Variants in ZNF470 observed in about 807,000 individuals in gnomAD.
ZNF470 encodes the protein chondrogenesis zinc finger protein 1.
Under a neutral mutation model 13.9 loss-of-function variants are expected in ZNF470, and 13 were observed. The observed-to-expected ratio is 0.94, with a 90% CI of 0.61 to 1.49. ZNF470 has a LOEUF of 1.49. Among genes scored for constraint, ZNF470 ranks in the 40% most tolerant of loss-of-function variants. ZNF470 has a pLI of 0.00. For missense variants in ZNF470, 929 were observed against 857.3 expected, an observed-to-expected ratio of 1.08 and a Z score of -1.04; for synonymous variants, 293 against 282.9, an observed-to-expected ratio of 1.04 and a Z score of -0.36.
chr19:56,569,607 G>A (rs1455882400), intron 2 of ZNF470, among the ~76,000 whole-genome samples: 2 of 152,114 alleles, frequency 1.3e-5, no homozygotes, highest in Non-Finnish European at 2.9e-5. Context: ...CAATATACCC[G>A]ATTCTGTTTG....
Position 56,579,789 on chromosome 19 carries a change from A to T in ZNF470, c.*1206A>T, listed in dbSNP as rs551403475. 7.6e-5 allele frequency: 71 copies of T among 933,890 alleles called. No homozygotes were observed. The highest frequency in any genetic ancestry group is 8.9e-5 in the Non-Finnish European group (70 of 783,190). 57.9% of individuals were successfully genotyped at this position (933,890 alleles called of 1,614,324 possible). On this transcript the variant is annotated 3_prime_UTR_variant, in exon 6 of 6. Transcript: ENST00000330619. ...GACATGCCTCTGTATAGAAAATCTG[A>T]TAAAAATATTTCTCCCTAAATTGTA... is the stretch of plus-strand genomic sequence containing the variant.
rs769540527 is a variant in ZNF470, at chr19:56,577,507, A to G, written c.1078A>G (p.Arg360Gly). The G allele has an allele frequency of 8.1e-6, 13 of 1,613,526 alleles. No homozygotes were observed. Among genetic ancestry groups the G allele is most frequent in the Non-Finnish European group, 1.1e-5 (13 of 1,179,590 alleles). ...SDCSSLAHHR[R>G]IHTGKRPYEC... ...TTGCTCATCCCTAGCTCATCATCGAAGGATTCACACTGGGAAAAGACCTTA... is the reference window on the plus strand; with the variant it reads ...TTGCTCATCCCTAGCTCATCATCGAGGGATTCACACTGGGAAAAGACCTTA... The change falls in exon 6 of 6, where the codon AGG becomes GGG. Residue 360 changes from arginine to glycine, a missense_variant. Transcript: ENST00000330619.
Position 56,578,637 on chromosome 19 carries a change from C to G in ZNF470, c.*54C>G. The G allele has an allele frequency of 2.1e-6, 3 of 1,427,476 alleles. No homozygotes were observed. The South Asian group carries it at 5.2e-5, about 25-fold the overall frequency. 88.4% of individuals were successfully genotyped at this position (1,427,476 alleles called of 1,614,324 possible). ...CATCTGCTTTTTTCCAGCACATGTCCCATCATCATAGTCCAAGACGCAACC... is the reference window on the plus strand; with the variant it reads ...CATCTGCTTTTTTCCAGCACATGTCGCATCATCATAGTCCAAGACGCAACC... On this transcript the variant is annotated 3_prime_UTR_variant, in exon 6 of 6. Coordinates refer to ENST00000330619, the MANE Select transcript of ZNF470 (RefSeq NM_001001668.4).
rs2044526134 is a variant in ZNF470, at chr19:56,580,328, T to C, written c.*1745T>C. 1 of 253,548 alleles carries C rather than the reference T, an allele frequency of 3.9e-6. No homozygotes were observed. The highest frequency in any genetic ancestry group is 6.2e-6 in the Non-Finnish European group (1 of 161,410). 15.7% of individuals were successfully genotyped at this position (253,548 alleles called of 1,614,324 possible). ...TGGCAGTTATGTTCACTCATATAAATGTTGATTTAGAAGCTGGTGGAAGGG... is the reference window on the plus strand; with the variant it reads ...TGGCAGTTATGTTCACTCATATAAACGTTGATTTAGAAGCTGGTGGAAGGG... On this transcript the variant is annotated 3_prime_UTR_variant, in exon 6 of 6. Coordinates refer to ENST00000330619, the MANE Select transcript of ZNF470 (RefSeq NM_001001668.4).
chr19:56,581,018 T>C lies in ZNF470; in HGVS notation c.*2435T>C. On this transcript the variant is annotated 3_prime_UTR_variant, in exon 6 of 6. Transcript: ENST00000330619. ...TGTACCCTCGGTTTGAAATAGACTT[T>C]AAGCACTAATGCATAACCCCAAAGC... The C allele has an allele frequency of 1.0e-6, 1 of 985,302 alleles. No homozygotes were observed. The highest frequency in any genetic ancestry group is 1.2e-6 in the Non-Finnish European group (1 of 829,806). 61.0% of individuals were successfully genotyped at this position (985,302 alleles called of 1,614,324 possible).
intron 3 of ZNF470, among the ~76,000 whole-genome samples, chr19:56,571,775 ATT>A (rs35836571): frequency 0.16 from 21,757 of 131,944 alleles, 2,434 homozygotes; most frequent in African/African-American, 0.33. Flanking sequence ...CACCTGGCTA[ATT>A]TTTTTTTTTT....
chr19:56,570,459 T>A, intron 3 of ZNF470, 88 bp downstream of exon 3: 4 of 1,326,200 alleles, frequency 3.0e-6, no homozygotes, highest in Non-Finnish European at 4.3e-6. Flanking sequence ...ATATTGTGCT[T>A]AAGAGTTCCA....
Position 56,574,664 on chromosome 19 carries a change from A to T in ZNF470, c.214A>T (p.Ile72Phe). The change falls in exon 5 of 6, where the codon ATC (isoleucine) becomes TTC (phenylalanine). Residue 72 changes from isoleucine to phenylalanine, a missense_variant. By Grantham distance (21) the Ile-to-Phe change is conservative. Coordinates refer to ENST00000330619, the MANE Select transcript of ZNF470 (RefSeq NM_001001668.4). The stretch of plus-strand genomic sequence containing the variant: ...TCTTTGCATTTCTAAACCAGATGTG[A>T]TCTCCTTACTGGAGCAAGAGAAAGA... ...VGLCISKPDV[I>F]SLLEQEKDPW... 6.2e-7 allele frequency: 1 copy of T among 1,613,846 alleles called. No individual in the cohort carries two copies. Among genetic ancestry groups the T allele is most frequent in the South Asian group, 1.1e-5 (1 of 91,078 alleles).
Position 56,578,327 on chromosome 19 carries a change from G to A in ZNF470, c.1898G>A (p.Arg633His), listed in dbSNP as rs770701725. 13 of 1,612,654 alleles carry A rather than the reference G, an allele frequency of 8.1e-6. No individual in the cohort carries two copies. Among genetic ancestry groups the A allele is most frequent in the African/African-American group, 1.3e-5 (1 of 74,848 alleles). Reference protein sequence around the residue: ...CNVCGKAFSHRKSLTLHQRIH... With the variant: ...CNVCGKAFSHHKSLTLHQRIH... ...GTTTGTGGGAAAGCCTTTAGCCATC[G>A]TAAATCCCTTACTCTGCATCAGAGA... is the stretch of plus-strand genomic sequence containing the variant. Residue 633 changes from arginine to histidine, a missense_variant, in exon 6 of 6, where the codon CGT (arginine) becomes CAT (histidine). Coordinates refer to ENST00000330619, the MANE Select transcript of ZNF470 (RefSeq NM_001001668.4).
intron 3 of ZNF470, among the ~76,000 whole-genome samples, chr19:56,572,753 A>G (rs1375441719): frequency 2.0e-5 from 3 of 152,084 alleles, no homozygotes; most frequent in Non-Finnish European, 4.4e-5. Flanking sequence ...GCCACTGAAA[A>G]ACGATGAAGA....
At position 56,578,050 on chromosome 19, in the gene ZNF470, G is replaced by A. The variant is rs767428941; in HGVS notation, c.1621G>A (p.Glu541Lys). The stretch of plus-strand genomic sequence containing the variant: ...TGGGGAGAAACCTTATGAATGTAAG[G>A]AATGTGGTAAGGCCTTCAGTCAGAT... ...HTGEKPYECK[E>K]CGKAFSQIAH... Residue 541 changes from glutamate to lysine, a missense_variant, in exon 6 of 6, where the codon GAA becomes AAA. Physicochemically the swap from Glu to Lys is moderately conservative, Grantham distance 56. Coordinates refer to ENST00000330619, the MANE Select transcript of ZNF470 (RefSeq NM_001001668.4). 9 of 1,614,014 alleles carry A rather than the reference G, an allele frequency of 5.6e-6. No homozygotes were observed. Among genetic ancestry groups the A allele is most frequent in the South Asian group, 1.1e-5 (1 of 91,080 alleles).
In ZNF470 at chr19:56,579,102, T is replaced by C. The variant is rs770274448; in HGVS notation, c.*519T>C. The C allele has an allele frequency of 3.0e-6, 3 of 985,518 alleles. No individual in the cohort carries two copies. Among genetic ancestry groups the C allele is most frequent in the Non-Finnish European group, 3.6e-6 (3 of 829,990 alleles). The allele number at this position is 985,518 out of a possible 1,614,324, so 61.0% of individuals were successfully genotyped here. Reference sequence around the variant, plus strand: ...GAGCAACTCTCACTTTACCTGACACTGAGAAGTGAGAATCAGCCAATTAGA... The same window carrying C: ...GAGCAACTCTCACTTTACCTGACACCGAGAAGTGAGAATCAGCCAATTAGA... On this transcript the variant is annotated 3_prime_UTR_variant, in exon 6 of 6. Transcript: ENST00000330619.
chr19:56,575,842 T>A (rs2044484897), intron 5 of ZNF470, among the ~76,000 whole-genome samples: 1 of 151,822 alleles, frequency 6.6e-6, no homozygotes, highest in South Asian at 2.1e-4. Context: ...CATTAATAAA[T>A]AAGAAATAAT....
rs1331406185 is a variant in ZNF470, at chr19:56,581,049, T to C, written c.*2466T>C. On this transcript the variant is annotated 3_prime_UTR_variant, in exon 6 of 6. Coordinates refer to ENST00000330619, the MANE Select transcript of ZNF470 (RefSeq NM_001001668.4). Reference sequence around the variant, plus strand: ...CTAATGCATAACCCCAAAGCTGACATTAGGCTTTTATATGGTGGAAAACAT... The same window carrying C: ...CTAATGCATAACCCCAAAGCTGACACTAGGCTTTTATATGGTGGAAAACAT... 8.5e-5 allele frequency: 84 copies of C among 985,122 alleles called. No homozygotes were observed. Among genetic ancestry groups the C allele is most frequent in the Non-Finnish European group, 9.9e-5 (82 of 829,778 alleles). The allele number at this position is 985,122 out of a possible 1,614,324, so 61.0% of individuals were successfully genotyped here. A position where few individuals can be genotyped will look rare whatever the true frequency, so the allele number is the denominator to read the frequency against.
intron 1 of ZNF470, among the ~76,000 whole-genome samples, chr19:56,568,496 T>C (rs1187947051): frequency 2.6e-5 from 4 of 152,144 alleles, no homozygotes; most frequent in African/African-American, 9.7e-5. Flanking sequence ...AATCACGTTC[T>C]AGTCAATAAC....
rs2044422912 is a variant in ZNF470 at position 56,567,881 on chromosome 19, G to C, written c.-316G>C. ...CCCTGTATCGACTGCGTAGAGCCCA[G>C]TGTGGGCAAAGTCCTAGAGCCCGGG... is the stretch of plus-strand genomic sequence containing the variant. On this transcript the variant is annotated 5_prime_UTR_variant, in exon 1 of 6. Coordinates refer to ENST00000330619, the MANE Select transcript of ZNF470 (RefSeq NM_001001668.4). 1.0e-6 allele frequency: 1 copy of C among 985,548 alleles called. No individual in the cohort carries two copies. Among genetic ancestry groups the C allele is most frequent in the Non-Finnish European group, 1.2e-6 (1 of 830,162 alleles). 61.1% of individuals were successfully genotyped at this position (985,548 alleles called of 1,614,324 possible).
chr19:56,574,680 A>G lies in ZNF470; in HGVS notation c.230A>G (p.Gln77Arg), dbSNP rs1249306001. ...CCAGATGTGATCTCCTTACTGGAGCAAGAGAAAGACCCTTGGGTGATAAAA... is the reference window on the plus strand; with the variant it reads ...CCAGATGTGATCTCCTTACTGGAGCGAGAGAAAGACCCTTGGGTGATAAAA... ...SKPDVISLLE[Q>R]EKDPWVIKGG... The change falls in exon 5 of 6, where the codon CAA becomes CGA. Residue 77 changes from glutamine (Q) to arginine (R), a missense_variant. By Grantham distance (43) the Gln-to-Arg change is conservative (BLOSUM62 1). Coordinates refer to ENST00000330619, the MANE Select transcript of ZNF470 (RefSeq NM_001001668.4). The G allele has an allele frequency of 1.9e-6, 3 of 1,613,748 alleles. No individual in the cohort carries two copies. The highest frequency in any genetic ancestry group is 2.5e-6 in the Non-Finnish European group (3 of 1,179,816).
At position 56,580,015 on chromosome 19, in the gene ZNF470, C is replaced by T. The variant is rs1421679861; in HGVS notation, c.*1432C>T. On this transcript the variant is annotated 3_prime_UTR_variant, in exon 6 of 6. Transcript: ENST00000330619. ...GTAAGGTACAAGATGGACAAAAATACGTGCTCTTACAGATCTAGTAGAACA... is the reference window on the plus strand; with the variant it reads ...GTAAGGTACAAGATGGACAAAAATATGTGCTCTTACAGATCTAGTAGAACA... 1.2e-5 allele frequency: 5 copies of T among 413,132 alleles called. No individual in the cohort carries two copies. The highest frequency in any genetic ancestry group is 1.0e-4 in the South Asian group (1 of 9,946). The allele number at this position is 413,132 out of a possible 1,614,324, so 25.6% of individuals were successfully genotyped here.
chr19:56,574,928 G>C (rs956906333), intron 5 of ZNF470, among the ~76,000 whole-genome samples, 195 bp downstream of exon 5: 7 of 151,908 alleles, frequency 4.6e-5, no homozygotes, highest in Non-Finnish European at 1.0e-4. Context: ...TGCATACCAG[G>C]GTCTATTTCT....
Sources: allele counts gnomAD v4.1 joint callset (sites outside exome capture counted in the v4.1 genomes callset), GRCh38; gene constraint gnomAD v4.1.1; transcripts MANE v1.5; gene names NCBI Gene and HGNC (gene_info 2026-07-23, HGNC 2026-07-21).